Variants in CHRM3 observed in about 807,000 individuals in gnomAD.
The protein encoded by CHRM3 is muscarinic acetylcholine receptor M3.
Under a neutral mutation model 41.8 loss-of-function variants are expected in CHRM3, and 11 were observed. The observed-to-expected ratio is 0.26, with a 90% CI of 0.17 to 0.44. The LOEUF is 0.44. CHRM3 is among the 20% of genes least tolerant of loss of function. The probability of loss-of-function intolerance (pLI) is 1.00; values close to 1 mark genes in which losing one functional copy is unlikely to be tolerated. For missense variants in CHRM3, 571 were observed against 745.4 expected (o/e 0.77, Z 2.72); for synonymous variants, 297 against 301.4 (o/e 0.99, Z 0.15).
intron 1 of CHRM3, among the ~76,000 whole-genome samples, chr1:239,479,374 A>G (rs1428553647): frequency 6.6e-6 from 1 of 152,224 alleles, no homozygotes. Flanking sequence ...GCAGCCAGAA[A>G]ATGAAAGGCA....
At chr1:239,674,709 CAAAAAA>C (rs34078965) in intron 4 of CHRM3, among the ~76,000 whole-genome samples, 2 of 92,768 alleles carry the variant, frequency 2.2e-5, no homozygotes, top group Non-Finnish European at 4.3e-5. Context: ...GACTCCATCT[CAAAAAA>C]AAAAAAAAAA....
At chr1:239,691,355 T>C (rs1659700026) in intron 5 of CHRM3, among the ~76,000 whole-genome samples, 1 of 152,124 alleles carries the variant, frequency 6.6e-6, no homozygotes, top group Non-Finnish European at 1.5e-5. Flanking sequence ...TGCCTTGGTG[T>C]TTGCTCAAAG....
At position 239,597,858 on chromosome 1, in the gene CHRM3, G is replaced by GTTTTT. The variant is rs35067421; in HGVS notation, c.-312-34352_-312-34348dup. ...GTGGTCAAAAAAAAAAACTGTCAGA[G>GTTTTT]TTTTTTTTTTTTTTTTTTAGGGGAA... On this transcript the variant is annotated intron_variant, in intron 3 of 6. Transcript: ENST00000676153. Among the ~76,000 whole-genome samples the GTTTTT allele has an allele frequency of 1.5e-3, 180 of 120,844 alleles. 6 individuals are homozygous for GTTTTT. Among genetic ancestry groups the GTTTTT allele is most frequent in the Middle Eastern group, 5.0e-3 (1 of 202 alleles). The allele number at this position is 120,844 out of a possible 152,430, so 79.3% of individuals were successfully genotyped here.
At chr1:239,460,256 T>G (rs1665254645) in intron 1 of CHRM3, among the ~76,000 whole-genome samples, 1 of 151,832 alleles carries the variant, frequency 6.6e-6, no homozygotes, top group African/African-American at 2.4e-5. Flanking sequence ...GTGTAAAGAG[T>G]GGACCTTTTG....
chr1:239,564,942 T>C (rs1179198122), intron 3 of CHRM3, among the ~76,000 whole-genome samples: 1 of 152,178 alleles, frequency 6.6e-6, no homozygotes. Context: ...AAAATCAAGC[T>C]TTTAACAGGG....
At chr1:239,437,878 A>T (rs1300127575) in intron 1 of CHRM3, among the ~76,000 whole-genome samples, 1 of 152,220 alleles carries the variant, frequency 6.6e-6, no homozygotes, top group African/African-American at 2.4e-5. Context: ...TGGATTTAAG[A>T]CAAAAATGAG....
At chr1:239,534,410 T>C (rs1657996279) in intron 2 of CHRM3, among the ~76,000 whole-genome samples, 1 of 152,248 alleles carries the variant, frequency 6.6e-6, no homozygotes, top group Non-Finnish European at 1.5e-5. Flanking sequence ...GAATATTACC[T>C]GTATTTAATT....
At chr1:239,622,272 A>T (rs546760091) in intron 3 of CHRM3, among the ~76,000 whole-genome samples, 34 of 152,138 alleles carry the variant, frequency 2.2e-4, no homozygotes, top group Non-Finnish European at 4.9e-4. Context: ...CATGCCTGTT[A>T]ATATAACATC....
At chr1:239,605,808 A>T (rs1028965126) in intron 3 of CHRM3, among the ~76,000 whole-genome samples, 3 of 152,210 alleles carry the variant, frequency 2.0e-5, no homozygotes, top group African/African-American at 4.8e-5. Flanking sequence ...CTTGAGTGGT[A>T]ATGAAGGTTT....
intron 6 of CHRM3, among the ~76,000 whole-genome samples, chr1:239,847,843 A>T (rs942149527): frequency 3.4e-4 from 51 of 151,550 alleles, no homozygotes; most frequent in African/African-American, 1.2e-3. Flanking sequence ...TGAGCCCGGG[A>T]TGTTGAGGCT....
At chr1:239,633,039 C>G (rs965058785) in intron 4 of CHRM3, among the ~76,000 whole-genome samples, 4 of 152,234 alleles carry the variant, frequency 2.6e-5, no homozygotes, top group Admixed American at 2.6e-4. Flanking sequence ...GTGGCGCCAT[C>G]TCAGCTCACT....
At chr1:239,597,392 G>A (rs543013611) in intron 3 of CHRM3, among the ~76,000 whole-genome samples, 1 of 152,238 alleles carries the variant, frequency 6.6e-6, no homozygotes, top group South Asian at 2.1e-4. Context: ...ATAACCATCA[G>A]TAGCTAACCT....
intron 5 of CHRM3, among the ~76,000 whole-genome samples, chr1:239,769,732 T>C (rs956908786): frequency 2.6e-5 from 4 of 152,198 alleles, no homozygotes; most frequent in African/African-American, 7.2e-5. Context: ...AATACAAAAA[T>C]TAGCCAGGCT....
chr1:239,517,983 G>A (rs1669384658), intron 2 of CHRM3, among the ~76,000 whole-genome samples: 1 of 152,104 alleles, frequency 6.6e-6, no homozygotes, highest in Non-Finnish European at 1.5e-5. Flanking sequence ...GCACGTGCCT[G>A]TAGTCCCAGC....
intron 1 of CHRM3, among the ~76,000 whole-genome samples, chr1:239,431,275 T>C (rs1045894118): frequency 2.0e-5 from 3 of 152,178 alleles, no homozygotes; most frequent in Admixed American, 2.0e-4. Flanking sequence ...GTTAACTATA[T>C]AGTAGATTTT....
intron 4 of CHRM3, among the ~76,000 whole-genome samples, chr1:239,646,216 T>G (rs1177638201): frequency 1.3e-5 from 2 of 152,234 alleles, no homozygotes; most frequent in Non-Finnish European, 2.9e-5. Context: ...GACATGTCCT[T>G]TCAGCAGAAT....
chr1:239,507,771 A>C (rs1472725462), intron 2 of CHRM3, among the ~76,000 whole-genome samples: 4 of 152,230 alleles, frequency 2.6e-5, no homozygotes, highest in Admixed American at 1.3e-4. Context: ...GACTGTTAAA[A>C]GAATAGGCTG....
chr1:239,569,244 C>A (rs1661622393), intron 3 of CHRM3, among the ~76,000 whole-genome samples: 3 of 152,092 alleles, frequency 2.0e-5, no homozygotes, highest in Non-Finnish European at 4.4e-5. Flanking sequence ...GTACATACCT[C>A]AAAAGATTGT....
chr1:239,413,931 A>C (rs1032421918), intron 1 of CHRM3, among the ~76,000 whole-genome samples: 2 of 152,184 alleles, frequency 1.3e-5, no homozygotes, highest in African/African-American at 4.8e-5. Flanking sequence ...TGATGATATA[A>C]TTTTAAATCA....
Sources: gnomAD v4.1 joint callset for allele counts (sites outside exome capture counted in the v4.1 genomes callset) on GRCh38, gnomAD v4.1.1 for gene constraint, MANE v1.5 for transcripts, NCBI Gene and HGNC (gene_info 2026-07-23, HGNC 2026-07-21) for gene names.